Variants in CYP7B1 observed in about 807,000 individuals in gnomAD.
The protein encoded by CYP7B1 is cytochrome P450 family 7 subfamily B member 1, also known as cytochrome P450 7B1.
Under a neutral mutation model 42.7 loss-of-function variants are expected in CYP7B1, and 29 were observed. The observed-to-expected ratio is 0.68, with a 90% CI of 0.51 to 0.93. The LOEUF (loss-of-function observed/expected upper bound fraction) is 0.93. Ranked by LOEUF, CYP7B1 falls within the 40% of genes least tolerant of loss-of-function variation. CYP7B1 has a pLI of 0.00. For synonymous variants in CYP7B1, 235 were observed against 218.2 expected (o/e 1.08, Z -0.68); for missense variants, 655 against 600.5 (o/e 1.09, Z -0.95).
intron 1 of CYP7B1, among the ~76,000 whole-genome samples, chr8:64,727,645 A>G (rs1021974593): frequency 6.6e-6 from 1 of 152,206 alleles, no homozygotes; most frequent in Non-Finnish European, 1.5e-5. Flanking sequence ...CTTTAGGCAA[A>G]GATTATGCTA....
chr8:64,762,644 A>G (rs866399177), intron 1 of CYP7B1, among the ~76,000 whole-genome samples: 2 of 152,228 alleles, frequency 1.3e-5, no homozygotes, highest in Admixed American at 6.5e-5. Flanking sequence ...TTATGGGCAT[A>G]TATTTCAATA....
chr8:64,767,157 T>A (rs897525653), intron 1 of CYP7B1, among the ~76,000 whole-genome samples: 1 of 152,188 alleles, frequency 6.6e-6, no homozygotes, highest in Non-Finnish European at 1.5e-5. Context: ...ATATACAGAC[T>A]CTAAGTATGC....
intron 1 of CYP7B1, among the ~76,000 whole-genome samples, chr8:64,712,235 A>G (rs1807091521): frequency 6.6e-6 from 1 of 152,174 alleles, no homozygotes; most frequent in African/African-American, 2.4e-5. Flanking sequence ...CTACAAAAAT[A>G]GCACCTTCAC....
rs1805086199 is a variant in CYP7B1, at chr8:64,594,342, A to G, written c.*2300T>C. On this transcript the variant is annotated 3_prime_UTR_variant, in exon 6 of 6. Transcript: ENST00000310193. ...AGCAGTTAGAAGCAATAGATTAAAT[A>G]TAGTAGTATACTATGTATATACTAC... 6.6e-6 allele frequency among the ~76,000 whole-genome samples: 1 copy of G among 152,218 alleles called. No homozygotes were observed. Among genetic ancestry groups the G allele is most frequent in the South Asian group, 2.1e-4 (1 of 4,834 alleles).
At chr8:64,659,315 T>C (rs1806167273) in intron 1 of CYP7B1, among the ~76,000 whole-genome samples, 1 of 152,214 alleles carries the variant, frequency 6.6e-6, no homozygotes, top group Non-Finnish European at 1.5e-5. Context: ...TATCCTTCAA[T>C]AATTTGCTTT....
intron 1 of CYP7B1, among the ~76,000 whole-genome samples, chr8:64,672,014 T>A (rs1210429362): frequency 6.6e-6 from 1 of 152,186 alleles, no homozygotes; most frequent in South Asian, 2.1e-4. Context: ...TCTGAAGCCA[T>A]GACATTTAAG....
chr8:64,697,229 T>A (rs563817663), intron 1 of CYP7B1, among the ~76,000 whole-genome samples: 1 of 152,200 alleles, frequency 6.6e-6, no homozygotes, highest in East Asian at 1.9e-4. Context: ...CCCCTGAGAG[T>A]TTTGGCATTT....
chr8:64,663,185 C>T (rs145527293), intron 1 of CYP7B1, among the ~76,000 whole-genome samples: 2 of 152,218 alleles, frequency 1.3e-5, no homozygotes, highest in African/African-American at 4.8e-5. Context: ...TTCAATGGTA[C>T]TTTGTAAATA....
Position 64,713,773 on chromosome 8 carries a change from C to CA in CYP7B1, c.122+84692dup, listed in dbSNP as rs200351108. Among the ~76,000 whole-genome samples the CA allele has an allele frequency of 2.1e-3, 321 of 150,342 alleles. 2 individuals are homozygous for CA. The highest frequency in any genetic ancestry group is 0.014 in the Middle Eastern group (4 of 294). On this transcript the variant is annotated intron_variant, in intron 1 of 5. Transcript: ENST00000310193. ...TCCCAGAAGGGAAGAGACAGGGAGT[C>CA]AAAAAAAAATCTTCAAGAGATAAGA...
intron 1 of CYP7B1, among the ~76,000 whole-genome samples, chr8:64,655,706 T>A (rs533056134): frequency 3.9e-5 from 6 of 152,160 alleles, no homozygotes; most frequent in Non-Finnish European, 8.8e-5. Flanking sequence ...TAAAGACACA[T>A]GCACACAGAT....
chr8:64,655,283 G>C (rs1176089513), intron 1 of CYP7B1, among the ~76,000 whole-genome samples: 1 of 152,034 alleles, frequency 6.6e-6, no homozygotes, highest in Non-Finnish European at 1.5e-5. Context: ...TCTGACAAAG[G>C]TCTAATATCC....
intron 1 of CYP7B1, among the ~76,000 whole-genome samples, chr8:64,709,883 T>C (rs979215519): frequency 2.6e-5 from 4 of 152,186 alleles, no homozygotes; most frequent in African/African-American, 9.6e-5. Flanking sequence ...TGATTTTTTT[T>C]CCTCATGAGC....
intron 5 of CYP7B1, among the ~76,000 whole-genome samples, chr8:64,603,621 C>T (rs1473024718): frequency 6.6e-6 from 1 of 152,158 alleles, no homozygotes; most frequent in Non-Finnish European, 1.5e-5. Flanking sequence ...CTGTTGTTTG[C>T]AGAATGTTCC....
chr8:64,686,137 T>A, intron 1 of CYP7B1, among the ~76,000 whole-genome samples: 2 of 90,196 alleles, frequency 2.2e-5, no homozygotes, highest in Non-Finnish European at 2.3e-5. Flanking sequence ...AGCCGCCCCG[T>A]CTGGGAGGTG....
chr8:64,617,400 T>C (rs1200701379), intron 2 of CYP7B1, among the ~76,000 whole-genome samples: 1 of 152,098 alleles, frequency 6.6e-6, no homozygotes, highest in Non-Finnish European at 1.5e-5. Context: ...CATTTATCAG[T>C]TGATAAAGCT....
intron 1 of CYP7B1, among the ~76,000 whole-genome samples, chr8:64,747,355 G>T (rs1807659288): frequency 6.7e-6 from 1 of 150,214 alleles, no homozygotes; most frequent in African/African-American, 2.4e-5. Flanking sequence ...GGTAGAGGTT[G>T]GGGCACTGAC....
At chr8:64,791,113 A>G (rs1448664452) in intron 1 of CYP7B1, among the ~76,000 whole-genome samples, 2 of 152,168 alleles carry the variant, frequency 1.3e-5, no homozygotes, top group African/African-American at 4.8e-5. Context: ...GAAGAAAGCA[A>G]CCCAGTAAAC....
intron 4 of CYP7B1, among the ~76,000 whole-genome samples, chr8:64,606,362 T>C (rs898391256): frequency 6.6e-6 from 1 of 152,268 alleles, no homozygotes; most frequent in Non-Finnish European, 1.5e-5. Context: ...TCCCATGTAC[T>C]GCTGCCGGCT....
intron 1 of CYP7B1, among the ~76,000 whole-genome samples, chr8:64,637,557 A>G (rs1158832727): frequency 6.6e-6 from 1 of 152,172 alleles, no homozygotes; most frequent in East Asian, 1.9e-4. Context: ...CATCACCAGT[A>G]TTAGAACATG....
Sources: allele counts gnomAD v4.1 joint callset (sites outside exome capture counted in the v4.1 genomes callset), GRCh38; gene constraint gnomAD v4.1.1; transcripts MANE v1.5; gene names NCBI Gene and HGNC (gene_info 2026-07-23, HGNC 2026-07-21).